TCF12: variants seen among roughly 807,000 people sequenced by gnomAD.
TCF12 encodes the protein transcription factor 12.
A neutral mutation model predicts 86.0 loss-of-function variants in TCF12; 45 were observed. The observed-to-expected ratio is 0.52, with a 90% CI of 0.41 to 0.67. The LOEUF (loss-of-function observed/expected upper bound fraction) is 0.67, where lower values mean the gene tolerates loss of function less well. TCF12 is among the 30% of genes least tolerant of loss of function. TCF12 has a pLI of 0.00. For missense variants in TCF12, 881 were observed against 859.9 expected (o/e 1.02, Z -0.31); for synonymous variants, 330 against 299.6 (o/e 1.10, Z -1.05).
chr15:57,098,919 T>G (rs1259965310), intron 5 of TCF12, among the ~76,000 whole-genome samples: 1 of 152,134 alleles, frequency 6.6e-6, no homozygotes, highest in Admixed American at 6.6e-5. Context: ...AGAGGCAAAT[T>G]GGGCCAAGGA....
At chr15:57,237,412 C>G (rs1266274977) in intron 12 of TCF12, among the ~76,000 whole-genome samples, 2 of 152,108 alleles carry the variant, frequency 1.3e-5, no homozygotes, top group African/African-American at 4.8e-5. Flanking sequence ...GTCTAAAGCC[C>G]TTTTCATTAG....
intron 3 of TCF12, among the ~76,000 whole-genome samples, chr15:56,935,323 A>G (rs569283508): frequency 6.6e-6 from 1 of 152,250 alleles, no homozygotes; most frequent in South Asian, 2.1e-4. Flanking sequence ...TTTGGAGGCT[A>G]AAAGCCTGAG....
intron 3 of TCF12, among the ~76,000 whole-genome samples, chr15:57,062,102 G>A (rs1490494140): frequency 6.6e-6 from 1 of 151,860 alleles, no homozygotes; most frequent in African/African-American, 2.4e-5. Flanking sequence ...GACTACAGGC[G>A]CCCGCCACCA....
rs530732255 is a variant in TCF12, at chr15:57,177,229, A to G, written c.390+10763A>G. 7.9e-5 allele frequency among the ~76,000 whole-genome samples: 12 copies of G among 152,082 alleles called. No homozygotes were observed. The South Asian group carries it at 2.5e-3, about 32-fold the overall frequency. On this transcript the variant is annotated intron_variant, in intron 6 of 20. Transcript: ENST00000333725. ...ATAGGTAAATAAATTGTTTTGTGGAAAGAAAGTCTGATCTTGGAGTATCAG... is the reference window on the plus strand; with the variant it reads ...ATAGGTAAATAAATTGTTTTGTGGAGAGAAAGTCTGATCTTGGAGTATCAG...
chr15:57,201,162 T>C (rs554566187), intron 8 of TCF12, among the ~76,000 whole-genome samples: 1 of 152,320 alleles, frequency 6.6e-6, no homozygotes, highest in Admixed American at 6.5e-5. Flanking sequence ...AAGTGGACTT[T>C]TGTAGCAGCA....
At chr15:57,013,740 TTC>T (rs1315981445) in intron 3 of TCF12, among the ~76,000 whole-genome samples, 1 of 152,200 alleles carries the variant, frequency 6.6e-6, no homozygotes, top group Non-Finnish European at 1.5e-5. Flanking sequence ...TTCATTAGAC[TTC>T]TTTTTACCTG....
At chr15:57,231,027 T>C (rs1442954731) in intron 8 of TCF12, 125 bp from the exon 9 acceptor site, 1 of 623,262 alleles carries the variant, frequency 1.6e-6, no homozygotes, top group African/African-American at 1.8e-5. Context: ...TTCTTTTCAT[T>C]TGTGGTAGCC....
chr15:57,242,187 A>G (rs1232308938), intron 12 of TCF12, among the ~76,000 whole-genome samples: 1 of 152,186 alleles, frequency 6.6e-6, no homozygotes, highest in Non-Finnish European at 1.5e-5. Flanking sequence ...ATTCAAAGCA[A>G]GGTCATTTCT....
At chr15:57,063,708 A>C (rs768651704) in intron 3 of TCF12, 42 bp from the exon 4 acceptor site, 6 of 1,551,328 alleles carry the variant, frequency 3.9e-6, no homozygotes, top group Admixed American at 3.4e-5. Context: ...AATCCACAAA[A>C]GTATGTTTTT....
chr15:57,166,729 C>G (rs1412329476), intron 6 of TCF12, among the ~76,000 whole-genome samples: 2 of 152,180 alleles, frequency 1.3e-5, no homozygotes, highest in African/African-American at 4.8e-5. Context: ...CTTGTCATTT[C>G]TGAGAAATTT....
intron 3 of TCF12, among the ~76,000 whole-genome samples, chr15:56,987,459 G>T (rs1339766556): frequency 6.6e-6 from 1 of 152,042 alleles, no homozygotes; most frequent in East Asian, 1.9e-4. Context: ...TGAGGAGCGT[G>T]GTTTGTGTCC....
At chr15:57,252,037 A>G (rs1238320662) in intron 14 of TCF12, among the ~76,000 whole-genome samples, 2 of 152,230 alleles carry the variant, frequency 1.3e-5, no homozygotes, top group African/African-American at 2.4e-5. Context: ...GTATACTTAT[A>G]TTTGTAACCC....
intron 4 of TCF12, among the ~76,000 whole-genome samples, chr15:57,085,791 G>C (rs750700298): frequency 2.0e-5 from 3 of 151,902 alleles, no homozygotes; most frequent in Non-Finnish European, 4.4e-5. Context: ...TTTATATCCA[G>C]GCCTCATCCA....
chr15:56,954,710 CA>C (rs1349813282), intron 3 of TCF12, among the ~76,000 whole-genome samples: 2 of 152,234 alleles, frequency 1.3e-5, no homozygotes, highest in South Asian at 4.1e-4. Context: ...ACAAGGAACT[CA>C]AACAAATTTA....
intron 12 of TCF12, among the ~76,000 whole-genome samples, chr15:57,242,165 G>A (rs1270159189): frequency 1.3e-5 from 2 of 152,082 alleles, no homozygotes; most frequent in African/African-American, 4.8e-5. Context: ...ATTCATTAGA[G>A]CTCTTAAGTT....
intron 8 of TCF12, among the ~76,000 whole-genome samples, chr15:57,209,486 C>A (rs112679456): frequency 6.6e-6 from 1 of 152,252 alleles, no homozygotes; most frequent in Non-Finnish European, 1.5e-5. Flanking sequence ...AAATAAGTTA[C>A]GGTTTCATTG....
chr15:57,222,758 ATTTTTTTTTTTTTTTTT>A lies in TCF12; in HGVS notation c.580-8374_580-8358del, dbSNP rs57645813. On this transcript the variant is annotated intron_variant, in intron 8 of 20. Coordinates refer to ENST00000333725, the MANE Select transcript of TCF12 (RefSeq NM_207037.2). Reference sequence around the variant, plus strand: ...GTTTTGGGGGAAAAAAAGGACTGCCATTTTTTTTTTTTTTTTTTTTTTTTTTTTTTTTTTTTACTTTT... The same window carrying A: ...GTTTTGGGGGAAAAAAAGGACTGCCATTTTTTTTTTTTTTTTTTTACTTTT... 1.3e-3 allele frequency among the ~76,000 whole-genome samples: 61 copies of A among 45,532 alleles called. 2 individuals carry two copies. Among genetic ancestry groups the A allele is most frequent in the South Asian group, 5.7e-3 (4 of 696 alleles). The allele number at this position is 45,532 out of a possible 152,430, so 29.9% of individuals were successfully genotyped here.
intron 5 of TCF12, among the ~76,000 whole-genome samples, chr15:57,125,527 G>A (rs2051580111): frequency 6.6e-6 from 1 of 152,176 alleles, no homozygotes; most frequent in South Asian, 2.1e-4. Context: ...TTACATATTA[G>A]CCTTTAAACT....
chr15:57,285,710 C>T (rs549692379), intron 20 of TCF12, among the ~76,000 whole-genome samples: 5 of 152,158 alleles, frequency 3.3e-5, no homozygotes, highest in East Asian at 1.9e-4. Flanking sequence ...TGCATCATTG[C>T]GGCAGCTGTT....
Sources: allele counts gnomAD v4.1 joint callset (sites outside exome capture counted in the v4.1 genomes callset), GRCh38; gene constraint gnomAD v4.1.1; transcripts MANE v1.5; gene names NCBI Gene and HGNC (gene_info 2026-07-23, HGNC 2026-07-21).